The following DEF8 variants were observed in gnomAD, a reference collection of about 807,000 sequenced individuals.
DEF8 encodes the protein differentially expressed in FDCP 8 homolog.
Under a neutral mutation model 59.1 loss-of-function variants are expected in DEF8, and 38 were observed. The observed-to-expected ratio is 0.64, with a 90% CI of 0.50 to 0.84. DEF8 has a LOEUF of 0.84. Among genes scored for constraint, DEF8 ranks in the 40% least tolerant of loss-of-function variants. The pLI is 0.00. For synonymous variants in DEF8, 265 were observed against 250.1 expected (o/e 1.06, Z -0.56); for missense variants, 557 against 615.2 (o/e 0.91, Z 1.00).
chr16:89,961,684 CTG>C, intron 7 of DEF8, 51 bp from the exon 8 acceptor site: 3 of 1,604,774 alleles, frequency 1.9e-6, no homozygotes, highest in Non-Finnish European at 2.5e-6. Context: ...GGCTGGAAAG[CTG>C]TGTGGGGTTT....
Position 89,967,779 on chromosome 16 carries a change from A to C in DEF8, c.*1816A>C, listed in dbSNP as rs753009754. 1 of 262,306 alleles carries C rather than the reference A, an allele frequency of 3.8e-6. No individual in the cohort carries two copies. Among genetic ancestry groups the C allele is most frequent in the East Asian group, 6.9e-5 (1 of 14,398 alleles). 16.2% of individuals were successfully genotyped at this position (262,306 alleles called of 1,614,324 possible). On this transcript the variant is annotated 3_prime_UTR_variant, in exon 13 of 13. Transcript: ENST00000563594. Reference sequence around the variant, plus strand: ...AGTTACAAATCACTGTGTCCATAGAAAAACTGTGCTGGTATTTGCTGGACA... The same window carrying C: ...AGTTACAAATCACTGTGTCCATAGACAAACTGTGCTGGTATTTGCTGGACA...
rs1389387629 is a variant in DEF8, at chr16:89,949,365, C to T, written c.-107-52C>T. ...GAGCCCGGGAGACCGGGCGAGCTCC[C>T]GCGGGTGTGGTGGGTGGGGAGGCAC... On this transcript the variant is annotated intron_variant, in intron 1 of 12. Coordinates refer to ENST00000563594, the MANE Select transcript of DEF8 (RefSeq NM_001242818.2). 9.6e-6 allele frequency: 14 copies of T among 1,451,664 alleles called. No homozygotes were observed. The East Asian group carries it at 2.1e-4, about 22-fold the overall frequency. The allele number at this position is 1,451,664 out of a possible 1,614,324, so 89.9% of individuals were successfully genotyped here.
intron 1 of DEF8, 117 bp from the exon 2 acceptor site, chr16:89,949,300 C>G: frequency 1.2e-6 from 1 of 853,720 alleles, no homozygotes; most frequent in Non-Finnish European, 1.8e-6. Context: ...TCAGTTTCCC[C>G]CTCGGTGGAA....
In DEF8 at chr16:89,961,077, C is replaced by T. The variant is rs371061650; in HGVS notation, c.661C>T (p.Arg221Trp). 18 of 1,612,430 alleles carry T rather than the reference C, an allele frequency of 1.1e-5. No individual in the cohort carries two copies. Among genetic ancestry groups the T allele is most frequent in the Admixed American group, 5.0e-5 (3 of 59,952 alleles). ...DSQDYRCAEC[R>W]APISLRGVPS... ...CCAGGATTACCGCTGTGCCGAGTGCCGGGCGCCCATCTCTCTGCGTGAGTG... is the reference window on the plus strand; with the variant it reads ...CCAGGATTACCGCTGTGCCGAGTGCTGGGCGCCCATCTCTCTGCGTGAGTG... Residue 221 changes from arginine to tryptophan, a missense_variant, in exon 7 of 13, where the codon CGG becomes TGG. Transcript: ENST00000563594.
chr16:89,951,577 C>G (rs79763192), intron 2 of DEF8, among the ~76,000 whole-genome samples: 1 of 152,138 alleles, frequency 6.6e-6, no homozygotes, highest in African/African-American at 2.4e-5. Context: ...CCGCAAGAGA[C>G]AAAAACCTCC....
chr16:89,962,073 G>A lies in DEF8; in HGVS notation c.869G>A (p.Arg290Gln), dbSNP rs370039650. The A allele has an allele frequency of 2.4e-5, 38 of 1,613,960 alleles. No individual in the cohort carries two copies. In the East Asian group the frequency reaches 2.7e-4, roughly 11 times the overall value. Residue 290 changes from arginine to glutamine, a missense_variant, in exon 9 of 13, where the codon CGG (arginine) becomes CAG (glutamine). By Grantham distance (43) the Arg-to-Gln change is conservative. Transcript: ENST00000563594. ...LMVSRPVLRLREINPLLFSYV... is the reference protein window; with the variant it reads ...LMVSRPVLRLQEINPLLFSYV... ...GTGTCTCGGCCCGTACTCAGGCTCCGGGAGATCAACCCTCTGCTGTTCAGC... is the reference window on the plus strand; with the variant it reads ...GTGTCTCGGCCCGTACTCAGGCTCCAGGAGATCAACCCTCTGCTGTTCAGC...
rs376692956 is a variant in DEF8 at position 89,949,667 on chromosome 16, C to T, written c.-11+154C>T. ...CGTGCATCCCGCGTGTCCTGAGCTT[C>T]GGCCCAGGGTCCCTCCGTGCCCCGG... On this transcript the variant is annotated intron_variant, in intron 2 of 12. Transcript: ENST00000563594. 4.3e-5 allele frequency: 68 copies of T among 1,585,524 alleles called. No homozygotes were observed. In the East Asian group the frequency reaches 8.3e-4, roughly 19 times the overall value.
intron 2 of DEF8, chr16:89,950,042 A>G: frequency 3.0e-6 from 3 of 1,008,288 alleles, no homozygotes; most frequent in Non-Finnish European, 3.6e-6. Context: ...GTAAATAGGC[A>G]AATAAAAGAT....
In DEF8 at chr16:89,948,810, G is replaced by T; in HGVS notation, c.-112G>T. On this transcript the variant is annotated 5_prime_UTR_variant, in exon 1 of 13. Coordinates refer to ENST00000563594, the MANE Select transcript of DEF8 (RefSeq NM_001242818.2). ...GCCGGGAGACAGATGCGAGGCGGCG[G>T]TCAGGTGAGCGGCGCGGGGCCGGCG... 4 of 981,268 alleles carry T rather than the reference G, an allele frequency of 4.1e-6. No individual in the cohort carries two copies. The highest frequency in any genetic ancestry group is 4.8e-6 in the Non-Finnish European group (4 of 828,928). 60.8% of individuals were successfully genotyped at this position (981,268 alleles called of 1,614,324 possible).
chr16:89,949,944 T>G (rs2031687661), intron 2 of DEF8: 1 of 870,284 alleles, frequency 1.1e-6, no homozygotes, highest in Non-Finnish European at 1.5e-6. Flanking sequence ...CAGGTCTGTG[T>G]GAGCAGAAGC....
chr16:89,949,028 GCGGGGA>G (rs2031352687), intron 1 of DEF8, among the ~76,000 whole-genome samples: 2 of 91,930 alleles, frequency 2.2e-5, no homozygotes, highest in Middle Eastern at 4.2e-3. Context: ...GACGGGGCCG[GCGGGGA>G]CGGGGTCGGC....
At chr16:89,951,653 G>C (rs2032107855) in intron 2 of DEF8, among the ~76,000 whole-genome samples, 1 of 152,178 alleles carries the variant, frequency 6.6e-6, no homozygotes, top group Admixed American at 6.6e-5. Flanking sequence ...GAGCAGCTTA[G>C]GGCTCAGGTG....
Position 89,966,225 on chromosome 16 carries a change from C to G in DEF8, c.*262C>G. On this transcript the variant is annotated 3_prime_UTR_variant, in exon 13 of 13. Transcript: ENST00000563594. ...CCCCCATCCTTCCCCCAATGCAGAA[C>G]TCCATGGGCAGGGAGCTGGGGGGAC... The G allele has an allele frequency of 2.6e-6, 1 of 382,470 alleles. No individual in the cohort carries two copies. The highest frequency in any genetic ancestry group is 4.9e-6 in the Non-Finnish European group (1 of 202,416). 23.7% of individuals were successfully genotyped at this position (382,470 alleles called of 1,614,324 possible).
chr16:89,949,345 C>T, intron 1 of DEF8, 72 bp from the exon 2 acceptor site: 2 of 1,273,792 alleles, frequency 1.6e-6, no homozygotes, highest in Non-Finnish European at 2.2e-6. Flanking sequence ...CCGAGGAGCC[C>T]GGGAGACCGG....
At chr16:89,964,129 C>A in intron 10 of DEF8, 41 bp from the exon 11 acceptor site, 1 of 1,613,830 alleles carries the variant, frequency 6.2e-7, no homozygotes, top group Non-Finnish European at 8.5e-7. Context: ...TGGGAGGGGC[C>A]CTCCCCGGTG....
chr16:89,950,057 T>G, intron 2 of DEF8: 1 of 998,846 alleles, frequency 1.0e-6, no homozygotes, highest in Non-Finnish European at 1.2e-6. Context: ...AAAGATGCCT[T>G]TTTTCACAGC....
In DEF8 at chr16:89,954,484, A is replaced by G. The variant is rs1392080987; in HGVS notation, c.124+108A>G. The G allele has an allele frequency of 1.6e-6, 2 of 1,238,792 alleles. No individual in the cohort carries two copies. Among genetic ancestry groups the G allele is most frequent in the Middle Eastern group, 2.4e-4 (1 of 4,116 alleles). 76.7% of individuals were successfully genotyped at this position (1,238,792 alleles called of 1,614,324 possible). A position where few individuals can be genotyped will look rare whatever the true frequency, so the allele number is the denominator to read the frequency against. ...CTGCGCAGCCCTGGCTTTCCCACGG[A>G]GCCGGCACCTGCTGGCTGTGTTCTT... On this transcript the variant is annotated intron_variant, in intron 3 of 12. Transcript: ENST00000563594. This position sits in a 1 kb window ranked among gnomAD's most constrained non-coding sequence, Gnocchi z 4.3.
chr16:89,962,133 TG>T lies in DEF8; in HGVS notation c.921+12del. On this transcript the variant is annotated intron_variant, in intron 9 of 12. Transcript: ENST00000563594. ...GAGCTGGTGGAGATTCGCGTGAGGC[TG>T]GGGCCATGGAAGTGGGGGGCGGGGG... 6.2e-7 allele frequency: 1 copy of T among 1,609,088 alleles called. No homozygotes were observed. The highest frequency in any genetic ancestry group is 8.5e-7 in the Non-Finnish European group (1 of 1,177,204).
chr16:89,962,038 G>A lies in DEF8; in HGVS notation c.834G>A (p.Leu278=). 6.2e-7 allele frequency: 1 copy of A among 1,614,104 alleles called. No individual in the cohort carries two copies. Among genetic ancestry groups the A allele is most frequent in the Non-Finnish European group, 8.5e-7 (1 of 1,180,012 alleles). Residue 278 remains leucine, a synonymous_variant, in exon 9 of 13, where the codon CTG becomes CTA. Coordinates refer to ENST00000563594, the MANE Select transcript of DEF8 (RefSeq NM_001242818.2). ...RKVSRCSMRY[L]ALMVSRPVLR... is the part of the protein sequence containing the mutation. ...TTTCTCGCTGCAGCATGCGCTACCT[G>A]GCGCTGATGGTGTCTCGGCCCGTAC...
Sources: gnomAD v4.1 joint callset for allele counts (sites outside exome capture counted in the v4.1 genomes callset) on GRCh38, gnomAD v4.1.1 for gene constraint, Gnocchi (gnomAD v3.1) non-coding constraint, MANE v1.5 for transcripts, NCBI Gene and HGNC (gene_info 2026-07-23, HGNC 2026-07-21) for gene names.